ZBTB20: variants seen among roughly 807,000 people sequenced by gnomAD.
ZBTB20 encodes zinc finger and BTB domain containing 20, also known as zinc finger and BTB domain-containing protein 20.
ZBTB20 carries 9 observed loss-of-function variants against 56.9 expected under a neutral mutation model. The observed-to-expected ratio is 0.16, with a 90% CI of 0.10 to 0.28. The LOEUF (loss-of-function observed/expected upper bound fraction) is 0.28. Ranked by LOEUF, ZBTB20 falls within the 10% of genes least tolerant of loss-of-function variation. The pLI, the probability that ZBTB20 is intolerant of heterozygous loss-of-function variation, is 1.00. For missense variants in ZBTB20, 655 were observed against 1,003.0 expected, an observed-to-expected ratio of 0.65 and a Z score of 4.69; for synonymous variants, 417 against 420.7, an observed-to-expected ratio of 0.99 and a Z score of 0.11.
intron 1 of ZBTB20, among the ~76,000 whole-genome samples, chr3:115,102,195 T>C (rs2083604836): frequency 6.6e-6 from 1 of 152,148 alleles, no homozygotes; most frequent in Non-Finnish European, 1.5e-5. Flanking sequence ...AGTGCTGCAG[T>C]AGTATATCAC....
intron 4 of ZBTB20, among the ~76,000 whole-genome samples, chr3:114,814,935 TC>T (rs2072810307): frequency 6.6e-6 from 1 of 152,108 alleles, no homozygotes; most frequent in Non-Finnish European, 1.5e-5. Context: ...GTATTGAAAC[TC>T]CATATGAGAT....
At chr3:114,844,520 C>CAAAAAAAAAAAAAAAAAAAAAAAAAAAA (rs71146342) in intron 4 of ZBTB20, among the ~76,000 whole-genome samples, 1 of 22,804 alleles carries the variant, frequency 4.4e-5, no homozygotes, top group Non-Finnish European at 6.5e-5. Flanking sequence ...GTCCCTGTCT[C>CAAAAAAAAAAAAAAAAAAAAAAAAAAAA]AAAAAAAAAA....
intron 3 of ZBTB20, among the ~76,000 whole-genome samples, chr3:114,925,443 T>C (rs1249002947): frequency 6.6e-6 from 1 of 152,246 alleles, no homozygotes; most frequent in Non-Finnish European, 1.5e-5. Flanking sequence ...GATTGTCATC[T>C]GTTGATTTTC....
chr3:114,513,750 C>T (rs1246815804), intron 6 of ZBTB20, among the ~76,000 whole-genome samples: 1 of 152,114 alleles, frequency 6.6e-6, no homozygotes, highest in African/African-American at 2.4e-5. Flanking sequence ...AAGAAAATCA[C>T]TACTTTTTCA....
At chr3:115,086,916 T>C (rs555642917) in intron 1 of ZBTB20, among the ~76,000 whole-genome samples, 12 of 151,916 alleles carry the variant, frequency 7.9e-5, no homozygotes, top group African/African-American at 2.9e-4. Context: ...AATGGTAATA[T>C]TCAACAGATA....
intron 5 of ZBTB20, among the ~76,000 whole-genome samples, chr3:114,721,887 A>G (rs2064942401): frequency 6.6e-6 from 1 of 152,230 alleles, no homozygotes; most frequent in Non-Finnish European, 1.5e-5. Flanking sequence ...TTGACTTCAC[A>G]TTGTACATTT....
At chr3:114,395,915 C>T (rs2086291922) in intron 7 of ZBTB20, among the ~76,000 whole-genome samples, 1 of 152,070 alleles carries the variant, frequency 6.6e-6, no homozygotes, top group Admixed American at 6.6e-5. Context: ...ATATAAGTTG[C>T]ACATCCCATG....
At chr3:115,112,626 G>T (rs182933066) in intron 1 of ZBTB20, among the ~76,000 whole-genome samples, 1 of 152,270 alleles carries the variant, frequency 6.6e-6, no homozygotes. Flanking sequence ...TGCTGCAAAT[G>T]ACATTCCTTC....
rs1316083494 is a variant in ZBTB20 at position 114,320,329 on chromosome 3, T to C, written c.*18676A>G. On this transcript the variant is annotated 3_prime_UTR_variant, in exon 12 of 12. Transcript: ENST00000675478. ...TCCAGTGCATTAAACAAATTTTAAA[T>C]TAAAAGAAGAAATAAACGTTTCCCC... is the stretch of plus-strand genomic sequence containing the variant. 3 of 152,134 alleles carry C rather than the reference T, an allele frequency of 2.0e-5. No individual in the cohort carries two copies. The highest frequency in any genetic ancestry group is 4.4e-5 in the Non-Finnish European group (3 of 68,016). The allele number at this position is 152,134 out of a possible 1,614,324, so 9.4% of individuals were successfully genotyped here. A position where few individuals can be genotyped will look rare whatever the true frequency, so the allele number is the denominator to read the frequency against.
At chr3:114,540,039 T>C (rs2048938596) in intron 6 of ZBTB20, among the ~76,000 whole-genome samples, 1 of 152,020 alleles carries the variant, frequency 6.6e-6, no homozygotes, top group Admixed American at 6.6e-5. Flanking sequence ...TATTAGTAAT[T>C]TTTCCTGATT....
At chr3:114,706,890 C>A (rs1230609971) in intron 5 of ZBTB20, among the ~76,000 whole-genome samples, 4 of 151,906 alleles carry the variant, frequency 2.6e-5, no homozygotes, top group Admixed American at 2.0e-4. Context: ...AAGCAAAGAA[C>A]AAACCATACA....
At chr3:115,118,121 T>C (rs2084074006) in intron 1 of ZBTB20, among the ~76,000 whole-genome samples, 1 of 152,240 alleles carries the variant, frequency 6.6e-6, no homozygotes, top group Non-Finnish European at 1.5e-5. Flanking sequence ...AAATATTCAT[T>C]ACATAGTAAT....
rs1193110843 is a variant in ZBTB20, at chr3:114,339,062, C to T, written c.2169G>A (p.Lys723=). ...TTYVCSVCPA[K]FDQIEQFNDH... ...CGTTGAACTGCTCGATTTGGTCAAA[C>T]TTTGCTGGGCAGACGGAGCAGACGT... The change falls in exon 12 of 12, where the codon AAG becomes AAA. Residue 723 remains lysine (K), a synonymous_variant. Transcript: ENST00000675478. This position sits in a 1 kb window ranked among gnomAD's most constrained non-coding sequence, Gnocchi z 4.2. The T allele has an allele frequency of 6.4e-7, 1 of 1,550,780 alleles. No individual in the cohort carries two copies. Among genetic ancestry groups the T allele is most frequent in the African/African-American group, 1.4e-5 (1 of 73,336 alleles).
At chr3:114,909,315 G>T (rs1403613836) in intron 3 of ZBTB20, among the ~76,000 whole-genome samples, 1 of 151,816 alleles carries the variant, frequency 6.6e-6, no homozygotes, top group Non-Finnish European at 1.5e-5. Flanking sequence ...AAGATGTAAA[G>T]AAAAAATATT....
At chr3:114,942,457 T>A (rs771059713) in intron 3 of ZBTB20, among the ~76,000 whole-genome samples, 1 of 145,356 alleles carries the variant, frequency 6.9e-6, no homozygotes, top group Non-Finnish European at 1.5e-5. Flanking sequence ...AAAACACATA[T>A]GGAAAAGGAG....
intron 3 of ZBTB20, among the ~76,000 whole-genome samples, chr3:114,932,422 C>G (rs1395998924): frequency 6.6e-6 from 1 of 152,190 alleles, no homozygotes; most frequent in Non-Finnish European, 1.5e-5. Flanking sequence ...ATCATAGTCT[C>G]CTTTCCTACC....
chr3:114,668,183 T>C (rs1348176476), intron 6 of ZBTB20, among the ~76,000 whole-genome samples: 1 of 152,050 alleles, frequency 6.6e-6, no homozygotes, highest in African/African-American at 2.4e-5. Flanking sequence ...CAGTTTCCCT[T>C]TAAATTCTAG....
intron 6 of ZBTB20, among the ~76,000 whole-genome samples, chr3:114,541,228 A>G (rs1232802919): frequency 6.6e-6 from 1 of 152,168 alleles, no homozygotes; most frequent in Admixed American, 6.6e-5. Context: ...TCTATGATTA[A>G]ATGCAAAAAA....
chr3:114,544,418 TTTCTTTC>T (rs1375195058), intron 6 of ZBTB20, among the ~76,000 whole-genome samples: 56 of 24,328 alleles, frequency 2.3e-3, no homozygotes, highest in South Asian at 5.1e-3. Flanking sequence ...TCTTTCTTTC[TTTCTTTC>T]TTTCTTTCTT....
Sources: allele counts gnomAD v4.1 joint callset (sites outside exome capture counted in the v4.1 genomes callset), GRCh38; gene constraint gnomAD v4.1.1; non-coding constraint Gnocchi (gnomAD v3.1); transcripts MANE v1.5; gene names NCBI Gene and HGNC (gene_info 2026-07-23, HGNC 2026-07-21).